The following DMD variants were observed in gnomAD, a reference collection of about 807,000 sequenced individuals.
DMD encodes mutant dystrophin.
Under a neutral mutation model 330.1 loss-of-function variants are expected in DMD, and 63 were observed. The ratio of observed to expected loss-of-function variants is 0.19; its 90% confidence interval spans 0.16 to 0.24. The LOEUF (loss-of-function observed/expected upper bound fraction) is 0.24, where lower values mean the gene tolerates loss of function less well. DMD is among the 10% of genes least tolerant of loss of function. The pLI, the probability that DMD is intolerant of heterozygous loss-of-function variation, is 1.00. For missense variants in DMD, 3,344 were observed against 2,684.1 expected (o/e 1.25, Z -5.43); for synonymous variants, 1,223 against 959.8 (o/e 1.27, Z -5.07).
At chrX:31,304,654 A>C (rs2054893138) in intron 62 of DMD, among the ~76,000 whole-genome samples, 3 of 109,095 alleles carry the variant, frequency 2.7e-5, no homozygotes. Context: ...TAGCTGGTAC[A>C]ATAGCCCCCA....
At chrX:32,735,387 C>A (rs367545665) in intron 7 of DMD, among the ~76,000 whole-genome samples, 9 of 110,659 alleles carry the variant, frequency 8.1e-5, no homozygotes, top group Non-Finnish European at 1.3e-4. Flanking sequence ...GCTACCAATG[C>A]CTTTCTTCAC....
intron 2 of DMD, among the ~76,000 whole-genome samples, chrX:32,859,237 G>A (rs1194852876): frequency 9.0e-6 from 1 of 110,820 alleles, no homozygotes; most frequent in East Asian, 2.8e-4. Context: ...GGACGCTGAG[G>A]CAGGTGGCTC....
chrX:32,477,408 A>G (rs960720315), intron 21 of DMD, among the ~76,000 whole-genome samples: 10 of 111,145 alleles, frequency 9.0e-5, no homozygotes, highest in Non-Finnish European at 1.9e-4. Context: ...AAGGAATACA[A>G]AAAAGAAGTT....
Position 32,800,537 on chromosome X carries a change from G to T in DMD, c.649+8956C>A, listed in dbSNP as rs181637957. 2.6e-3 allele frequency among the ~76,000 whole-genome samples: 295 copies of T among 111,568 alleles called. 1 individual carries two copies. Among genetic ancestry groups the T allele is most frequent in the African/African-American group, 8.7e-3 (269 of 30,765 alleles). ...CTTATGCTGAATCCTCATCTTATTT[G>T]CAGCCATAAGTAAACTTTAAGAAAC... is the stretch of plus-strand genomic sequence containing the variant. On this transcript the variant is annotated intron_variant, in intron 7 of 78. Transcript: ENST00000357033.
intron 7 of DMD, among the ~76,000 whole-genome samples, chrX:32,750,016 T>C (rs2070601818): frequency 8.9e-6 from 1 of 112,205 alleles, no homozygotes; most frequent in Non-Finnish European, 1.9e-5. Flanking sequence ...TTCCATTGGA[T>C]GAAAAAACAG....
At chrX:32,252,214 A>G (rs1409889794) in intron 43 of DMD, among the ~76,000 whole-genome samples, 3 of 108,725 alleles carry the variant, frequency 2.8e-5, no homozygotes, top group Non-Finnish European at 5.7e-5. Flanking sequence ...ACATCTCAAG[A>G]CTTTGTTCAT....
chrX:31,630,516 C>T (rs1348603487), intron 54 of DMD, among the ~76,000 whole-genome samples: 4 of 110,841 alleles, frequency 3.6e-5, no homozygotes, highest in Admixed American at 9.7e-5. Context: ...CGTTGAATCC[C>T]TAAATTTTAA....
chrX:32,190,550 T>TATATATATATATA (rs2096969380), intron 44 of DMD, among the ~76,000 whole-genome samples: 1 of 62,534 alleles, frequency 1.6e-5, no homozygotes, highest in Non-Finnish European at 2.8e-5. Context: ...ATTTAAAATT[T>TATATATATATATA]TATATATATA....
At chrX:32,480,698 A>ATATG (rs1237116883) in intron 21 of DMD, among the ~76,000 whole-genome samples, 1 of 111,051 alleles carries the variant, frequency 9.0e-6, no homozygotes, top group African/African-American at 3.3e-5. Flanking sequence ...GTGTATATAT[A>ATATG]TATGTATAGC....
chrX:32,487,145 A>C (rs1337370326), intron 20 of DMD, among the ~76,000 whole-genome samples: 2 of 111,663 alleles, frequency 1.8e-5, no homozygotes, highest in African/African-American at 3.3e-5. Flanking sequence ...AACTCAAAAA[A>C]ATTTACAAGA....
chrX:33,284,111 A>T (rs1180209161), intron 1 of DMD, among the ~76,000 whole-genome samples: 5 of 110,482 alleles, frequency 4.5e-5, no homozygotes, highest in Admixed American at 1.9e-4. Flanking sequence ...CTATAATTTT[A>T]TATATATATA....
chrX:32,700,332 A>G (rs545646610), intron 7 of DMD, among the ~76,000 whole-genome samples: 1 of 111,504 alleles, frequency 9.0e-6, no homozygotes, highest in South Asian at 3.7e-4. Flanking sequence ...TAAGTACCAC[A>G]TGATCTCACT....
chrX:32,594,810 T>C (rs994220772), intron 13 of DMD, among the ~76,000 whole-genome samples: 6 of 112,005 alleles, frequency 5.4e-5, no homozygotes, highest in Non-Finnish European at 1.1e-4. Context: ...AAGAATCATC[T>C]CTGTTTCAAA....
At chrX:32,357,360 A>C (rs1218640911) in intron 37 of DMD, among the ~76,000 whole-genome samples, 1 of 111,126 alleles carries the variant, frequency 9.0e-6, no homozygotes, top group African/African-American at 3.3e-5. Context: ...CTTCAGCATC[A>C]ATCTGACCTA....
chrX:32,925,145 GTTTTTTTTTTTT>G (rs777224221), intron 2 of DMD, among the ~76,000 whole-genome samples: 10 of 48,531 alleles, frequency 2.1e-4, no homozygotes, highest in African/African-American at 4.8e-4. Context: ...AAAACTCTGG[GTTTTTTTTTTTT>G]TTTTTTTTTT....
chrX:32,104,427 T>TGGA (rs1443316117), intron 44 of DMD, among the ~76,000 whole-genome samples: 1 of 111,312 alleles, frequency 9.0e-6, no homozygotes, highest in Middle Eastern at 4.2e-3. Context: ...CTGCCAGGAC[T>TGGA]GGAGGCCAGA....
At chrX:32,362,162 A>G (rs1339259537) in intron 37 of DMD, among the ~76,000 whole-genome samples, 1 of 111,862 alleles carries the variant, frequency 8.9e-6, no homozygotes, top group Non-Finnish European at 1.9e-5. Context: ...AAATTAGGAT[A>G]TGTAAGCTTT....
At chrX:32,765,231 G>T (rs771005654) in intron 7 of DMD, among the ~76,000 whole-genome samples, 1 of 110,746 alleles carries the variant, frequency 9.0e-6, no homozygotes, top group African/African-American at 3.3e-5. Flanking sequence ...TGTTGGAGTT[G>T]GTGTCTGGTG....
chrX:33,059,156 A>T (rs1419913250), intron 1 of DMD, among the ~76,000 whole-genome samples: 1 of 111,142 alleles, frequency 9.0e-6, no homozygotes, highest in African/African-American at 3.3e-5. Flanking sequence ...CCTGTATCTC[A>T]CTCGTAGATT....
Sources: allele counts gnomAD v4.1 joint callset (sites outside exome capture counted in the v4.1 genomes callset), GRCh38; gene constraint gnomAD v4.1.1; transcripts MANE v1.5; gene names NCBI Gene and HGNC (gene_info 2026-07-23, HGNC 2026-07-21).